ATP8A2: variants seen among roughly 807,000 people sequenced by gnomAD.
ATP8A2 encodes ATPase phospholipid transporting 8A2.
A neutral mutation model predicts 165.6 loss-of-function variants in ATP8A2; 100 were observed. The ratio of observed to expected loss-of-function variants is 0.60; its 90% CI spans 0.51 to 0.71. The LOEUF is 0.71. Ranked by LOEUF, ATP8A2 falls within the 30% of genes least tolerant of loss-of-function variation. The pLI is 0.00. For missense variants in ATP8A2, 1,227 were observed against 1,479.5 expected, an observed-to-expected ratio of 0.83 and a Z score of 2.80; for synonymous variants, 543 against 548.8, an observed-to-expected ratio of 0.99 and a Z score of 0.15.
At chr13:25,515,005 A>G (rs2037419143) in intron 2 of ATP8A2, among the ~76,000 whole-genome samples, 1 of 152,190 alleles carries the variant, frequency 6.6e-6, no homozygotes, top group South Asian at 2.1e-4. Context: ...TGAGGTTAGC[A>G]TCTGTATCAG....
intron 24 of ATP8A2, among the ~76,000 whole-genome samples, chr13:25,696,320 T>G (rs1047610599): frequency 5.3e-5 from 8 of 152,032 alleles, no homozygotes; most frequent in Non-Finnish European, 8.8e-5. Flanking sequence ...GGCTTCAACT[T>G]CAAGTCACCA....
At chr13:25,589,498 TTCCTAC>T (rs1450754246) in intron 23 of ATP8A2, 131 bp from the exon 24 acceptor site, 6 of 592,534 alleles carry the variant, frequency 1.0e-5, no homozygotes, top group African/African-American at 1.9e-5. Context: ...CAACTTACTT[TTCCTAC>T]TCCTCACTGT....
chr13:25,800,126 G>GT (rs925024383), intron 27 of ATP8A2, among the ~76,000 whole-genome samples: 5 of 152,046 alleles, frequency 3.3e-5, no homozygotes, highest in Non-Finnish European at 5.9e-5. Flanking sequence ...TTCATTTTAC[G>GT]TGAGGAAGCC....
intron 24 of ATP8A2, among the ~76,000 whole-genome samples, chr13:25,632,732 C>T (rs1174847852): frequency 6.6e-6 from 1 of 152,088 alleles, no homozygotes; most frequent in Non-Finnish European, 1.5e-5. Context: ...GGGCCAGTCC[C>T]CTGGGAGTAC....
At chr13:25,949,001 C>T (rs2139135734) in intron 33 of ATP8A2, among the ~76,000 whole-genome samples, 1 of 152,360 alleles carries the variant, frequency 6.6e-6, no homozygotes, top group African/African-American at 2.4e-5. Flanking sequence ...TTGGTCCTTT[C>T]AGAGGCCCTT....
At position 25,751,539 on chromosome 13, in the gene ATP8A2, C is replaced by T. The variant is rs560957990; in HGVS notation, c.2385-17507C>T. On this transcript the variant is annotated intron_variant, in intron 25 of 36. Transcript: ENST00000381655. ...ACAGCCTCCAACTCCTGGATTCAAG[C>T]GATCTTCCTGCCTCAGCCTCCTGAG... Among the ~76,000 whole-genome samples, 5 of 152,172 alleles carry T rather than the reference C, an allele frequency of 3.3e-5. No individual in the cohort carries two copies. In the East Asian group the frequency reaches 5.8e-4, roughly 18 times the overall value.
intron 25 of ATP8A2, among the ~76,000 whole-genome samples, chr13:25,761,665 TAC>T (rs200442327): frequency 8.0e-5 from 12 of 150,504 alleles, no homozygotes; most frequent in East Asian, 1.9e-4. Context: ...TATATATATA[TAC>T]ACACACATAT....
chr13:25,704,818 G>C (rs1205950379), intron 25 of ATP8A2, among the ~76,000 whole-genome samples: 1 of 152,146 alleles, frequency 6.6e-6, no homozygotes, highest in African/African-American at 2.4e-5. Context: ...ATATCATGTT[G>C]TCTGTGGTCT....
At chr13:25,875,462 T>C (rs920961554) in intron 33 of ATP8A2, among the ~76,000 whole-genome samples, 1 of 151,856 alleles carries the variant, frequency 6.6e-6, no homozygotes, top group African/African-American at 2.4e-5. Flanking sequence ...TAGTTGGCTC[T>C]GTGCAGTTAG....
At chr13:25,606,972 C>A (rs1157748601) in intron 24 of ATP8A2, among the ~76,000 whole-genome samples, 1 of 152,132 alleles carries the variant, frequency 6.6e-6, no homozygotes, top group African/African-American at 2.4e-5. Flanking sequence ...CTGTTAGGAA[C>A]TGGGCCACAC....
intron 33 of ATP8A2, among the ~76,000 whole-genome samples, chr13:25,894,308 T>A (rs1301175999): frequency 1.3e-5 from 2 of 152,230 alleles, no homozygotes; most frequent in Non-Finnish European, 2.9e-5. Context: ...CCCCATTTCT[T>A]CTTTTTGTCA....
At chr13:25,575,808 T>A (rs2039600630) in intron 19 of ATP8A2, among the ~76,000 whole-genome samples, 1 of 152,102 alleles carries the variant, frequency 6.6e-6, no homozygotes, top group Non-Finnish European at 1.5e-5. Context: ...CCAAACTGTG[T>A]GCTTCATCTT....
intron 30 of ATP8A2, among the ~76,000 whole-genome samples, chr13:25,848,136 G>A (rs980049227): frequency 2.0e-5 from 3 of 152,226 alleles, no homozygotes; most frequent in Non-Finnish European, 1.5e-5. Context: ...GCCTTGCCAG[G>A]CATGCTGTGC....
At chr13:25,590,707 C>T (rs1354514459) in intron 24 of ATP8A2, among the ~76,000 whole-genome samples, 1 of 152,140 alleles carries the variant, frequency 6.6e-6, no homozygotes, top group Admixed American at 6.5e-5. Flanking sequence ...TTATATTTAG[C>T]CAATGCCAGG....
rs533024614 is a variant in ATP8A2 at position 25,602,934 on chromosome 13, T to TG, written c.2211+13242dup. On this transcript the variant is annotated intron_variant, in intron 24 of 36. Transcript: ENST00000381655. ...AAAATACAAAAAAATTAGCCAGGCA[T>TG]GGGGGGGTGTGCCTGTAGTCCCAAC... Among the ~76,000 whole-genome samples, 34 of 151,618 alleles carry TG rather than the reference T, an allele frequency of 2.2e-4. No individual in the cohort carries two copies. The South Asian group carries it at 2.3e-3, about 10-fold the overall frequency.
chr13:25,992,429 G>T (rs1956414040), intron 35 of ATP8A2, among the ~76,000 whole-genome samples: 1 of 151,764 alleles, frequency 6.6e-6, no homozygotes, highest in Non-Finnish European at 1.5e-5. Flanking sequence ...ATTGAGTTTT[G>T]AGAGTTATTT....
chr13:25,664,155 C>T (rs1421527986), intron 24 of ATP8A2, among the ~76,000 whole-genome samples: 1 of 152,076 alleles, frequency 6.6e-6, no homozygotes, highest in Admixed American at 6.5e-5. Context: ...AGAGCCAGAC[C>T]TTGTCTCACA....
At chr13:25,888,928 T>G (rs922380708) in intron 33 of ATP8A2, among the ~76,000 whole-genome samples, 2 of 152,152 alleles carry the variant, frequency 1.3e-5, no homozygotes, top group Non-Finnish European at 2.9e-5. Flanking sequence ...ATCACTAGTT[T>G]TTTTTCTTTT....
At chr13:25,702,408 G>A (rs998125223) in intron 25 of ATP8A2, among the ~76,000 whole-genome samples, 1 of 152,168 alleles carries the variant, frequency 6.6e-6, no homozygotes, top group Non-Finnish European at 1.5e-5. Flanking sequence ...TTCTGTACCC[G>A]AATATTTTCC....
Sources: allele counts gnomAD v4.1 joint callset (sites outside exome capture counted in the v4.1 genomes callset), GRCh38; gene constraint gnomAD v4.1.1; transcripts MANE v1.5; gene names NCBI Gene and HGNC (gene_info 2026-07-23, HGNC 2026-07-21).